PCDHA10: variants seen among roughly 807,000 people sequenced by gnomAD.
The protein encoded by PCDHA10 is protocadherin alpha 10, also known as protocadherin alpha-10.
Under a neutral mutation model 61.2 loss-of-function variants are expected in PCDHA10, and 45 were observed. That is an observed-to-expected ratio of 0.74 (90% CI 0.58 to 0.94). PCDHA10 has a LOEUF of 0.94. PCDHA10 is among the 40% of genes least tolerant of loss of function. The pLI is 0.00. For synonymous variants in PCDHA10, 602 were observed against 548.8 expected, an observed-to-expected ratio of 1.10 and a Z score of -1.35; for missense variants, 1,278 against 1,236.2, an observed-to-expected ratio of 1.03 and a Z score of -0.51.
At chr5:140,903,675 A>G (rs1554191078) in intron 1 of PCDHA10, among the ~76,000 whole-genome samples, 2 of 152,244 alleles carry the variant, frequency 1.3e-5, no homozygotes, top group Non-Finnish European at 2.9e-5. Flanking sequence ...GATATAAAAG[A>G]TGTTTGGTAA....
At chr5:140,884,539 G>A (rs782320700) in intron 1 of PCDHA10, 78 of 1,613,968 alleles carry the variant, frequency 4.8e-5, no homozygotes, top group Non-Finnish European at 6.2e-5. Flanking sequence ...GGCGGCCGAG[G>A]GTGTGCTCTG....
At chr5:140,984,227 T>C (rs571404372) in intron 3 of PCDHA10, among the ~76,000 whole-genome samples, 1 of 152,336 alleles carries the variant, frequency 6.6e-6, no homozygotes, top group Admixed American at 6.5e-5. Context: ...CTTGCTCTTA[T>C]GGAGGCATTG....
chr5:140,996,478 A>C (rs1241472780), intron 3 of PCDHA10, among the ~76,000 whole-genome samples: 1 of 152,214 alleles, frequency 6.6e-6, no homozygotes, highest in East Asian at 1.9e-4. Flanking sequence ...AGTAGTGCTC[A>C]GGCCTGGGCA....
chr5:140,907,364 C>T (rs1042794275), intron 1 of PCDHA10, among the ~76,000 whole-genome samples: 5 of 152,122 alleles, frequency 3.3e-5, no homozygotes, highest in East Asian at 1.9e-4. Context: ...CTTCTTTAGT[C>T]GTAAAGTGAG....
At chr5:140,993,103 G>A (rs2097540365) in intron 3 of PCDHA10, among the ~76,000 whole-genome samples, 1 of 152,218 alleles carries the variant, frequency 6.6e-6, no homozygotes, top group East Asian at 1.9e-4. Context: ...TTTATTCAGC[G>A]GTCAGTGTCA....
chr5:140,928,280 C>A, intron 1 of PCDHA10: 1 of 1,614,194 alleles, frequency 6.2e-7, no homozygotes, highest in Non-Finnish European at 8.5e-7. Context: ...CCTGGGGCCT[C>A]TCTAGGCCGA....
chr5:140,870,693 A>C, intron 1 of PCDHA10: 1 of 1,612,950 alleles, frequency 6.2e-7, no homozygotes, highest in Non-Finnish European at 8.5e-7. Context: ...TGGAGCTGCT[A>C]CAGTTCCAGG....
At chr5:140,967,060 G>A in intron 1 of PCDHA10, 1 of 1,612,802 alleles carries the variant, frequency 6.2e-7, no homozygotes, top group Non-Finnish European at 8.5e-7. Flanking sequence ...CGAGTGGAGC[G>A]CTCTTCGTCA....
At chr5:140,949,117 T>C (rs1295254726) in intron 1 of PCDHA10, among the ~76,000 whole-genome samples, 2 of 151,762 alleles carry the variant, frequency 1.3e-5, no homozygotes, top group Admixed American at 6.6e-5. Context: ...CAAATATTTT[T>C]GGTTTTCCTA....
intron 1 of PCDHA10, chr5:140,969,386 C>G (rs782109093): frequency 6.3e-7 from 1 of 1,596,966 alleles, no homozygotes; most frequent in South Asian, 1.1e-5. Flanking sequence ...TACACATCCC[C>G]CAATATCCTG....
At chr5:140,903,695 A>G (rs1325722558) in intron 1 of PCDHA10, among the ~76,000 whole-genome samples, 9 of 152,238 alleles carry the variant, frequency 5.9e-5, no homozygotes, top group African/African-American at 1.7e-4. Flanking sequence ...AATAGTTTAA[A>G]ATAGTAATAA....
intron 1 of PCDHA10, chr5:140,862,334 C>T: frequency 3.0e-6 from 1 of 329,810 alleles, no homozygotes; most frequent in Non-Finnish European, 6.0e-6. Context: ...TGTAATTGAC[C>T]CTAACTTCAG....
At chr5:140,940,994 G>A (rs1375374431) in intron 1 of PCDHA10, among the ~76,000 whole-genome samples, 1 of 152,094 alleles carries the variant, frequency 6.6e-6, no homozygotes, top group Non-Finnish European at 1.5e-5. Context: ...AAGTTTATAG[G>A]ATTAAATTTT....
intron 1 of PCDHA10, chr5:140,869,862 A>G: frequency 3.7e-6 from 6 of 1,610,466 alleles, no homozygotes; most frequent in Non-Finnish European, 5.1e-6. Flanking sequence ...GCCTTATGGA[A>G]AATGCTGCTA....
At chr5:140,870,257 C>A in intron 1 of PCDHA10, 2 of 1,614,172 alleles carry the variant, frequency 1.2e-6, no homozygotes, top group African/African-American at 1.3e-5. Flanking sequence ...GGACAGGTGA[C>A]CTGCTCGCTG....
rs782754440 is a variant in PCDHA10, at chr5:140,869,396, A to G, written c.2388+10960A>G. 3.2e-5 allele frequency: 51 copies of G among 1,614,230 alleles called. No homozygotes were observed. The highest frequency in any genetic ancestry group is 1.6e-4 in the Middle Eastern group (1 of 6,062). On this transcript the variant is annotated intron_variant, in intron 1 of 3. Transcript: ENST00000307360. ...ATCGACCGCGAGGAGCTGTGCGGGC[A>G]GAGCGCGGAGTGCAGCATCCACCTG...
At chr5:141,001,144 C>T (rs1225047253) in intron 3 of PCDHA10, among the ~76,000 whole-genome samples, 3 of 151,960 alleles carry the variant, frequency 2.0e-5, no homozygotes, top group Non-Finnish European at 4.4e-5. Context: ...TCTTCTGTTG[C>T]TCTGATCTTA....
intron 1 of PCDHA10, among the ~76,000 whole-genome samples, chr5:140,957,575 T>C (rs1437290620): frequency 6.6e-6 from 1 of 152,152 alleles, no homozygotes; most frequent in African/African-American, 2.4e-5. Flanking sequence ...ACTACTGTAC[T>C]TTTAACAAAG....
chr5:140,870,551 C>G (rs1554164401), intron 1 of PCDHA10: 11 of 1,614,022 alleles, frequency 6.8e-6, no homozygotes, highest in African/African-American at 1.3e-5. Flanking sequence ...GACGCGGACG[C>G]GCAGGAGAAC....
Sources: allele counts gnomAD v4.1 joint callset (sites outside exome capture counted in the v4.1 genomes callset), GRCh38; gene constraint gnomAD v4.1.1; transcripts MANE v1.5; gene names NCBI Gene and HGNC (gene_info 2026-07-23, HGNC 2026-07-21).